Variants in PLCB1 observed in about 807,000 individuals in gnomAD.
The protein encoded by PLCB1 is phospholipase C beta 1, also known as 1-phosphatidylinositol 4,5-bisphosphate phosphodiesterase beta-1.
Under a neutral mutation model 161.8 loss-of-function variants are expected in PLCB1, and 46 were observed. The observed-to-expected ratio is 0.28, with a 90% CI of 0.22 to 0.36. PLCB1 has a LOEUF of 0.36. Ranked by LOEUF, PLCB1 falls within the 10% of genes least tolerant of loss-of-function variation. The pLI, the probability that PLCB1 is intolerant of heterozygous loss-of-function variation, is 1.00. For synonymous variants in PLCB1, 517 were observed against 503.7 expected, an observed-to-expected ratio of 1.03 and a Z score of -0.35; for missense variants, 1,016 against 1,472.5, an observed-to-expected ratio of 0.69 and a Z score of 5.07.
chr20:8,245,132 T>C (rs1253229133), intron 2 of PLCB1, among the ~76,000 whole-genome samples: 2 of 151,936 alleles, frequency 1.3e-5, no homozygotes, highest in African/African-American at 4.8e-5. Context: ...CTCTTGTAAA[T>C]AGAGCCTTAT....
At position 8,523,490 on chromosome 20, in the gene PLCB1, C is replaced by CCATATATATATATATATATATATA. The variant is rs1206489907; in HGVS notation, c.247-104804_247-104803insCATATATATATATATATATATATA. Among the ~76,000 whole-genome samples the CCATATATATATATATATATATATA allele has an allele frequency of 4.3e-3, 291 of 67,554 alleles. 43 individuals are homozygous for CCATATATATATATATATATATATA. Among genetic ancestry groups the CCATATATATATATATATATATATA allele is most frequent in the Middle Eastern group, 9.6e-3 (1 of 104 alleles). The allele number at this position is 67,554 out of a possible 152,430, so 44.3% of individuals were successfully genotyped here. A position where few individuals can be genotyped will look rare whatever the true frequency, so the allele number is the denominator to read the frequency against. ...GCTCTCTCTCTCTCTCTCTCTCTCTCTCTCTCTATATATATATATATATAT... is the reference window on the plus strand; with the variant it reads ...GCTCTCTCTCTCTCTCTCTCTCTCTCCATATATATATATATATATATATATCTCTCTATATATATATATATATAT... On this transcript the variant is annotated intron_variant, in intron 3 of 31. Coordinates refer to ENST00000338037, the MANE Select transcript of PLCB1 (RefSeq NM_015192.4).
In PLCB1 at chr20:8,402,112, G is replaced by A. The variant is rs564243788; in HGVS notation, c.246+30662G>A. On this transcript the variant is annotated intron_variant, in intron 3 of 31. Coordinates refer to ENST00000338037, the MANE Select transcript of PLCB1 (RefSeq NM_015192.4). ...GTAATAAAATGTTTTAATTATTGTGGCTTTACAATATATATTACTTGGTAT... is the reference window on the plus strand; with the variant it reads ...GTAATAAAATGTTTTAATTATTGTGACTTTACAATATATATTACTTGGTAT... Among the ~76,000 whole-genome samples, 195 of 151,756 alleles carry A rather than the reference G, an allele frequency of 1.3e-3. 1 individual carries two copies. Among genetic ancestry groups the A allele is most frequent in the Non-Finnish European group, 2.0e-3 (135 of 67,910 alleles).
chr20:8,676,185 A>T (rs1371985086), intron 9 of PLCB1, among the ~76,000 whole-genome samples: 1 of 152,170 alleles, frequency 6.6e-6, no homozygotes, highest in Admixed American at 6.5e-5. Flanking sequence ...GCCTGGTGAA[A>T]CCCTGTCTCT....
At chr20:8,140,017 G>T (rs1335222349) in intron 1 of PLCB1, among the ~76,000 whole-genome samples, 1 of 152,206 alleles carries the variant, frequency 6.6e-6, no homozygotes, top group Non-Finnish European at 1.5e-5. Flanking sequence ...GCTAAAAGAG[G>T]TGGGACTTTC....
chr20:8,697,651 T>C lies in PLCB1; in HGVS notation c.1035T>C (p.Ser345=). The C allele has an allele frequency of 1.2e-6, 2 of 1,614,234 alleles. No individual in the cohort carries two copies. The highest frequency in any genetic ancestry group is 1.1e-5 in the South Asian group (1 of 91,088). ...LTAGQLAGNS[S]VEMYRQVLLS... ...CTGGCCAACTGGCTGGAAACTCCTC[T>C]GTTGAGATGTATCGCCAAGTGCTCC... is the stretch of plus-strand genomic sequence containing the variant. Residue 345 remains serine, a synonymous_variant, in exon 11 of 32, where the codon TCT becomes TCC. Transcript: ENST00000338037.
At chr20:8,299,031 A>T (rs997519111) in intron 2 of PLCB1, among the ~76,000 whole-genome samples, 3 of 152,148 alleles carry the variant, frequency 2.0e-5, no homozygotes, top group African/African-American at 7.2e-5. Context: ...AGATTCATTC[A>T]TTCATTTATT....
At chr20:8,494,918 A>G (rs1983096437) in intron 3 of PLCB1, among the ~76,000 whole-genome samples, 1 of 152,160 alleles carries the variant, frequency 6.6e-6, no homozygotes, top group Non-Finnish European at 1.5e-5. Context: ...ACTGAGCCGC[A>G]TTATGTGAGA....
chr20:8,423,409 T>C (rs1979619568), intron 3 of PLCB1, among the ~76,000 whole-genome samples: 1 of 152,214 alleles, frequency 6.6e-6, no homozygotes, highest in Non-Finnish European at 1.5e-5. Context: ...GCCTATCCTG[T>C]GTGCTGAGTG....
Position 8,240,921 on chromosome 20 carries a change from G to A in PLCB1, c.177+90550G>A, listed in dbSNP as rs75460616. Among the ~76,000 whole-genome samples the A allele has an allele frequency of 1.6e-3, 249 of 152,020 alleles. 1 individual carries two copies. The highest frequency in any genetic ancestry group is 5.8e-3 in the African/African-American group (239 of 41,512). ...TTACCAGCAAAGCAAAACCAGTTCT[G>A]ATTGGTCATTTAAATCAATGAGTTG... On this transcript the variant is annotated intron_variant, in intron 2 of 31. Transcript: ENST00000338037.
chr20:8,203,631 AG>A (rs1488369251), intron 2 of PLCB1, among the ~76,000 whole-genome samples: 1 of 152,136 alleles, frequency 6.6e-6, no homozygotes, highest in African/African-American at 2.4e-5. Flanking sequence ...CAGACAAATC[AG>A]GTTCCTGAAA....
chr20:8,554,319 C>G (rs1191776781), intron 3 of PLCB1, among the ~76,000 whole-genome samples: 2 of 152,108 alleles, frequency 1.3e-5, no homozygotes, highest in African/African-American at 4.8e-5. Flanking sequence ...CTTATAGCCC[C>G]TTTATTCATA....
intron 3 of PLCB1, among the ~76,000 whole-genome samples, chr20:8,523,332 G>A (rs1217426042): frequency 2.7e-5 from 4 of 150,358 alleles, no homozygotes; most frequent in African/African-American, 7.4e-5. Flanking sequence ...AGAAAGATTA[G>A]CAAGTCTTTG....
At chr20:8,434,946 A>T (rs1471645473) in intron 3 of PLCB1, among the ~76,000 whole-genome samples, 1 of 152,234 alleles carries the variant, frequency 6.6e-6, no homozygotes, top group African/African-American at 2.4e-5. Context: ...ACAGCCTCTC[A>T]TGCACGTAGA....
rs1447969411 is a variant in PLCB1 at position 8,750,675 on chromosome 20, A to G, written c.2524-6371A>G. 2.4e-5 allele frequency: 9 copies of G among 380,068 alleles called. No homozygotes were observed. In the East Asian group the frequency reaches 5.9e-4, roughly 25 times the overall value. 23.5% of individuals were successfully genotyped at this position (380,068 alleles called of 1,614,324 possible). A position where few individuals can be genotyped will look rare whatever the true frequency, so the allele number is the denominator to read the frequency against. On this transcript the variant is annotated intron_variant, in intron 23 of 31. Coordinates refer to ENST00000338037, the MANE Select transcript of PLCB1 (RefSeq NM_015192.4). ...AATTTCTTAGAAATATGAGGCAGAT[A>G]CATTATCTAATTTCATTCAACTAAT...
intron 2 of PLCB1, among the ~76,000 whole-genome samples, chr20:8,367,183 G>A (rs572698576): frequency 1.3e-5 from 2 of 152,216 alleles, no homozygotes; most frequent in South Asian, 2.1e-4. Context: ...TTATTTGAAA[G>A]TTCCCAATAT....
chr20:8,647,933 A>C lies in PLCB1; in HGVS notation c.498A>C (p.Glu166Asp). The change falls in exon 6 of 32, where the codon GAA becomes GAC. Residue 166 changes from glutamate to aspartate, a missense_variant. Glu to Asp is a conservative substitution (Grantham distance 45). Around this residue, in one of 10 missense-constraint regions of PLCB1, gnomAD observed 181 missense variants for 236.7 expected, o/e 0.76. Coordinates refer to ENST00000338037, the MANE Select transcript of PLCB1 (RefSeq NM_015192.4). ...AACTTAAGCTGCAAGTCACTCCAGA[A>C]GGGCGTATTCCTCTCAAAAAGTAAG... ...YTKLKLQVTPEGRIPLKNIYR... is the reference protein window; with the variant it reads ...YTKLKLQVTPDGRIPLKNIYR... The C allele has an allele frequency of 3.1e-6, 5 of 1,591,320 alleles. No homozygotes were observed. The highest frequency in any genetic ancestry group is 4.3e-6 in the Non-Finnish European group (5 of 1,172,440).
chr20:8,303,413 A>C, intron 2 of PLCB1, among the ~76,000 whole-genome samples: 1 of 152,198 alleles, frequency 6.6e-6, no homozygotes, highest in Admixed American at 6.5e-5. Flanking sequence ...AGATTTTAAA[A>C]GAAATTTAGG....
At chr20:8,302,768 G>C (rs539608954) in intron 2 of PLCB1, among the ~76,000 whole-genome samples, 1 of 151,598 alleles carries the variant, frequency 6.6e-6, no homozygotes, top group Non-Finnish European at 1.5e-5. Flanking sequence ...TATACAAATT[G>C]TGTCAGAAGA....
At chr20:8,848,298 A>G (rs1237915500) in intron 31 of PLCB1, among the ~76,000 whole-genome samples, 2 of 152,156 alleles carry the variant, frequency 1.3e-5, no homozygotes, top group East Asian at 3.9e-4. Context: ...GTATTCACCA[A>G]CCTGGAAGCT....
Sources: allele counts gnomAD v4.1 joint callset (sites outside exome capture counted in the v4.1 genomes callset), GRCh38; gene constraint gnomAD v4.1.1; regional missense constraint gnomAD v4.1.1; transcripts MANE v1.5; gene names NCBI Gene and HGNC (gene_info 2026-07-23, HGNC 2026-07-21).